The following DTWD2 variants were observed in gnomAD, a reference collection of about 807,000 sequenced individuals.
DTWD2 encodes tRNA-uridine aminocarboxypropyltransferase 2.
A neutral mutation model predicts 31.8 loss-of-function variants in DTWD2; 39 were observed. The ratio of observed to expected loss-of-function variants is 1.22; its 90% CI spans 0.95 to 1.60. The LOEUF (loss-of-function observed/expected upper bound fraction) is 1.60, where lower values mean the gene tolerates loss of function less well. Ranked by LOEUF, DTWD2 falls within the 40% of genes most tolerant of loss-of-function variation. DTWD2 has a pLI of 0.00. For synonymous variants in DTWD2, 180 were observed against 142.8 expected (o/e 1.26, Z -1.86); for missense variants, 515 against 381.5 (o/e 1.35, Z -2.92).
chr5:118,973,924 T>C, intron 1 of DTWD2: 1 of 1,598,928 alleles, frequency 6.3e-7, no homozygotes, highest in Non-Finnish European at 8.6e-7. Flanking sequence ...ATGAGGAAAA[T>C]GGGGAGCAGG....
intron 4 of DTWD2, among the ~76,000 whole-genome samples, chr5:118,889,034 T>G (rs1040684518): frequency 1.2e-4 from 18 of 152,344 alleles, no homozygotes; most frequent in African/African-American, 3.8e-4. Flanking sequence ...TTTCTCAGTA[T>G]GTGATTTGTC....
At chr5:118,890,025 AT>A (rs997704222) in intron 4 of DTWD2, among the ~76,000 whole-genome samples, 9 of 152,230 alleles carry the variant, frequency 5.9e-5, no homozygotes, top group African/African-American at 2.2e-4. Flanking sequence ...ATTATATAAA[AT>A]ATCAATAAAT....
chr5:118,954,583 A>G (rs559594227), intron 1 of DTWD2, among the ~76,000 whole-genome samples: 1 of 152,230 alleles, frequency 6.6e-6, no homozygotes, highest in East Asian at 1.9e-4. Flanking sequence ...GCATGATCTC[A>G]GTTCACTGCA....
rs1189978103 is a variant in DTWD2 at position 118,836,235 on chromosome 5, T to TTTTA, written c.*4678_*4681dup. Among the ~76,000 whole-genome samples, 61 of 152,216 alleles carry TTTTA rather than the reference T, an allele frequency of 4.0e-4. No individual in the cohort carries two copies. Among genetic ancestry groups the TTTTA allele is most frequent in the African/African-American group, 1.1e-3 (44 of 41,542 alleles). On this transcript the variant is annotated 3_prime_UTR_variant, in exon 6 of 6. Coordinates refer to ENST00000510708, the MANE Select transcript of DTWD2 (RefSeq NM_173666.4). The stretch of plus-strand genomic sequence containing the variant: ...CGTTGTTAGTTCAAGTGAATCTTAT[T>TTTTA]TTTATTTATTTATTTATTTATTTGA...
intron 1 of DTWD2, 69 bp from the exon 2 acceptor site, chr5:118,944,718 G>T: frequency 1.4e-6 from 2 of 1,442,762 alleles, no homozygotes; most frequent in South Asian, 2.4e-5. Flanking sequence ...TTTTTTAAAT[G>T]ACCTTAATCC....
At chr5:118,847,998 T>A (rs1353434518) in intron 5 of DTWD2, 92 bp downstream of exon 5, 2 of 1,323,934 alleles carry the variant, frequency 1.5e-6, no homozygotes, top group East Asian at 2.6e-5. Context: ...ACTTGTCACA[T>A]GAGTTACAAA....
chr5:118,848,053 T>C lies in DTWD2; in HGVS notation c.726+37A>G, dbSNP rs1168240471. The C allele has an allele frequency of 2.0e-6, 3 of 1,469,278 alleles. No homozygotes were observed. The Admixed American group carries it at 7.8e-5, about 38-fold the overall frequency. The allele number at this position is 1,469,278 out of a possible 1,614,324, so 91.0% of individuals were successfully genotyped here. A position where few individuals can be genotyped will look rare whatever the true frequency, so the allele number is the denominator to read the frequency against. On this transcript the variant is annotated intron_variant, in intron 5 of 5. Transcript: ENST00000510708. ...TCTTCTAGGTAAAATCTAAGAAAAC[T>C]CCCACTTTGAAAAACTATAACCTTA...
At chr5:118,867,330 T>C (rs1752400939) in intron 4 of DTWD2, among the ~76,000 whole-genome samples, 1 of 152,116 alleles carries the variant, frequency 6.6e-6, no homozygotes, top group South Asian at 2.1e-4. Context: ...TAGAATTACT[T>C]ACTCCAAAAG....
At chr5:118,946,540 A>G (rs1324526017) in intron 1 of DTWD2, among the ~76,000 whole-genome samples, 1 of 152,214 alleles carries the variant, frequency 6.6e-6, no homozygotes, top group Admixed American at 6.5e-5. Context: ...TCAAAGAATA[A>G]ATACATCATA....
chr5:118,904,435 A>G (rs1753280870), intron 4 of DTWD2, among the ~76,000 whole-genome samples: 1 of 152,144 alleles, frequency 6.6e-6, no homozygotes, highest in Admixed American at 6.5e-5. Context: ...CCTGAACAAT[A>G]TATGTAAGAA....
chr5:118,871,526 G>T (rs1398368634), intron 4 of DTWD2, among the ~76,000 whole-genome samples: 1 of 152,218 alleles, frequency 6.6e-6, no homozygotes, highest in Non-Finnish European at 1.5e-5. Context: ...AAAGGACGTT[G>T]TATCAGCAGG....
chr5:118,953,611 C>T (rs558786621), intron 1 of DTWD2, among the ~76,000 whole-genome samples: 1 of 152,272 alleles, frequency 6.6e-6, no homozygotes, highest in South Asian at 2.1e-4. Flanking sequence ...TTTGGACTTC[C>T]CTAAATTGGA....
intron 3 of DTWD2, among the ~76,000 whole-genome samples, chr5:118,937,131 T>C (rs1186193155): frequency 6.6e-6 from 1 of 152,280 alleles, no homozygotes; most frequent in East Asian, 1.9e-4. Context: ...AGGTGGGCTT[T>C]ATCTTAGAAA....
At chr5:118,861,385 C>G (rs1011146996) in intron 4 of DTWD2, among the ~76,000 whole-genome samples, 15 of 152,172 alleles carry the variant, frequency 9.9e-5, no homozygotes, top group African/African-American at 3.6e-4. Flanking sequence ...GTGCTGAAAG[C>G]AGGTACAGAA....
chr5:118,918,230 C>T (rs557402815), intron 4 of DTWD2, among the ~76,000 whole-genome samples: 7 of 152,300 alleles, frequency 4.6e-5, no homozygotes, highest in African/African-American at 1.7e-4. Context: ...ACAAGTAATA[C>T]ATTGCTCACT....
intron 4 of DTWD2, among the ~76,000 whole-genome samples, chr5:118,901,897 T>A (rs1336269863): frequency 2.0e-5 from 3 of 152,166 alleles, no homozygotes; most frequent in African/African-American, 7.2e-5. Flanking sequence ...CACAAGCCAC[T>A]GCATCTGGCT....
chr5:118,960,808 T>G (rs1267355883), intron 1 of DTWD2, among the ~76,000 whole-genome samples: 1 of 151,934 alleles, frequency 6.6e-6, no homozygotes. Flanking sequence ...TTATCCTAAG[T>G]GAACTAACGC....
intron 4 of DTWD2, among the ~76,000 whole-genome samples, chr5:118,864,745 A>G (rs1260525353): frequency 6.6e-6 from 1 of 151,920 alleles, no homozygotes; most frequent in East Asian, 1.9e-4. Context: ...GCTATTAAAA[A>G]TATCAAAGTA....
intron 4 of DTWD2, among the ~76,000 whole-genome samples, chr5:118,893,991 T>A (rs116137768): frequency 0.024 from 3,702 of 151,472 alleles, 160 homozygotes; most frequent in African/African-American, 0.084. Context: ...AATAATAAAT[T>A]TGTGCTGCAC....
Sources: gnomAD v4.1 joint callset for allele counts (sites outside exome capture counted in the v4.1 genomes callset) on GRCh38, gnomAD v4.1.1 for gene constraint, MANE v1.5 for transcripts, NCBI Gene and HGNC (gene_info 2026-07-23, HGNC 2026-07-21) for gene names.